The following IKZF4 variants were observed in gnomAD, a reference collection of about 807,000 sequenced individuals.
IKZF4 encodes IKAROS family zinc finger 4, also known as zinc finger protein Eos.
Under a neutral mutation model 47.7 loss-of-function variants are expected in IKZF4, and 11 were observed. That is an observed-to-expected ratio of 0.23 (90% confidence interval 0.15 to 0.38). The LOEUF is 0.38. Ranked by LOEUF, IKZF4 falls within the 10% of genes least tolerant of loss-of-function variation. The probability of loss-of-function intolerance (pLI) is 1.00; values close to 1 mark genes in which losing one functional copy is unlikely to be tolerated. For synonymous variants in IKZF4, 298 were observed against 299.4 expected, an observed-to-expected ratio of 1.00 and a Z score of 0.05; for missense variants, 557 against 784.9, an observed-to-expected ratio of 0.71 and a Z score of 3.47.
At chr12:56,033,765 G>C (rs1565833973) in intron 7 of IKZF4, among the ~76,000 whole-genome samples, 2 of 152,118 alleles carry the variant, frequency 1.3e-5, no homozygotes, top group Non-Finnish European at 2.9e-5. Context: ...CTCTGATACT[G>C]AAAATCTATC....
In IKZF4 at chr12:56,021,279, C is replaced by G; in HGVS notation, c.-215C>G. The G allele has an allele frequency of 1.5e-6, 2 of 1,327,964 alleles. No individual in the cohort carries two copies. The highest frequency in any genetic ancestry group is 1.9e-6 in the Non-Finnish European group (2 of 1,027,190). The allele number at this position is 1,327,964 out of a possible 1,614,324, so 82.3% of individuals were successfully genotyped here. On this transcript the variant is annotated 5_prime_UTR_variant, in exon 1 of 8. Coordinates refer to ENST00000547167, the MANE Select transcript of IKZF4 (RefSeq NM_022465.4). ...CTCTCCCCTCTCCTTCTCTCCCTCT[C>G]TCTCTCTCTCTCTCTCACACACACA...
intron 2 of IKZF4, among the ~76,000 whole-genome samples, chr12:56,015,266 G>A (rs1007878561): frequency 6.6e-6 from 1 of 151,718 alleles, no homozygotes; most frequent in Admixed American, 6.6e-5. Context: ...TAGTAGAGAT[G>A]GGGTTTTGCC....
At chr12:56,015,588 G>T (rs1475906603) in intron 2 of IKZF4, among the ~76,000 whole-genome samples, 1 of 151,954 alleles carries the variant, frequency 6.6e-6, no homozygotes, top group Admixed American at 6.6e-5. Context: ...TAGAGATGGG[G>T]TTTCACCACG....
chr12:56,034,778 T>C lies in IKZF4; in HGVS notation c.1205T>C (p.Val402Ala), dbSNP rs1895464683. ...GAACTCACGCCTGTCATCAGCTCTG[T>C]CTACACCCAGATGCAGCCCCTCCCT... ...ISELTPVISS[V>A]YTQMQPLPGR... The change falls in exon 8 of 8, where the codon GTC becomes GCC. Residue 402 changes from valine (V) to alanine (A), a missense_variant. Around this residue, in one of 6 missense-constraint regions of IKZF4, gnomAD observed 280 missense variants for 314.0 expected, o/e 0.89. Transcript: ENST00000547167. The C allele has an allele frequency of 1.2e-6, 2 of 1,613,876 alleles. No homozygotes were observed. Among genetic ancestry groups the C allele is most frequent in the South Asian group, 2.2e-5 (2 of 91,094 alleles).
chr12:56,023,914 G>A, intron 2 of IKZF4, 150 bp downstream of exon 2: 3 of 1,470,800 alleles, frequency 2.0e-6, no homozygotes, highest in Non-Finnish European at 2.7e-6. Flanking sequence ...ATCCATGCAT[G>A]TTCATGTTAG....
chr12:56,024,714 C>A, intron 2 of IKZF4: 3 of 1,179,546 alleles, frequency 2.5e-6, no homozygotes, highest in Non-Finnish European at 3.2e-6. Context: ...GAATGTCTGT[C>A]CTGAACATCT....
chr12:56,031,274 A>C (rs1894873884), intron 5 of IKZF4, among the ~76,000 whole-genome samples: 1 of 152,204 alleles, frequency 6.6e-6, no homozygotes, highest in African/African-American at 2.4e-5. Context: ...AAAAAAAGAT[A>C]AATGTTTGAG....
At chr12:56,015,161 CT>C (rs1891860553) in intron 2 of IKZF4, among the ~76,000 whole-genome samples, 1 of 152,090 alleles carries the variant, frequency 6.6e-6, no homozygotes, top group Admixed American at 6.6e-5. Context: ...ACTGCAACCT[CT>C]GTCTCCCGGG....
At chr12:56,033,783 C>T (rs1895268117) in intron 7 of IKZF4, among the ~76,000 whole-genome samples, 1 of 152,056 alleles carries the variant, frequency 6.6e-6, no homozygotes, top group Non-Finnish European at 1.5e-5. Flanking sequence ...ATCCTCAGGA[C>T]AGGAGGAAAG....
Position 56,025,161 on chromosome 12 carries a change from A to G in IKZF4, c.286+3A>G. 4.4e-6 allele frequency: 7 copies of G among 1,577,394 alleles called. No individual in the cohort carries two copies. The highest frequency in any genetic ancestry group is 2.3e-5 in the East Asian group (1 of 43,610). On this transcript the variant is annotated splice_donor_region_variant and intron_variant, in intron 3 of 7. Coordinates refer to ENST00000547167, the MANE Select transcript of IKZF4 (RefSeq NM_022465.4). ...TTCTCCTAGCCGCTCACTCAGTGGT[A>G]AGTGTAACCTCCTACCACCTCCTGG...
Position 56,026,881 on chromosome 12 carries a change from A to C in IKZF4, c.387A>C (p.Glu129Asp). Reference sequence around the variant, plus strand: ...AAAAGGACGACAGCGTGATTGTGGAAGATTCATTGTCTGAGCCCCTGGGCT... The same window carrying C: ...AAAAGGACGACAGCGTGATTGTGGACGATTCATTGTCTGAGCCCCTGGGCT... Reference protein sequence around the residue: ...LLEKDDSVIVEDSLSEPLGYC... With the variant: ...LLEKDDSVIVDDSLSEPLGYC... The change falls in exon 4 of 8, where the codon GAA becomes GAC. Residue 129 changes from glutamate to aspartate, a missense_variant. Coordinates refer to ENST00000547167, the MANE Select transcript of IKZF4 (RefSeq NM_022465.4). 6.2e-7 allele frequency: 1 copy of C among 1,613,476 alleles called. No individual in the cohort carries two copies. Among genetic ancestry groups the C allele is most frequent in the Non-Finnish European group, 8.5e-7 (1 of 1,179,692 alleles).
At chr12:56,033,465 T>G (rs2136711774) in intron 7 of IKZF4, 144 bp downstream of exon 7, 2 of 1,013,046 alleles carry the variant, frequency 2.0e-6, no homozygotes, top group East Asian at 5.0e-5. Context: ...CCCAGCACTT[T>G]GGGAGGCCAA....
rs541943999 is a variant in IKZF4, at chr12:56,021,600, G to C, written c.87+20G>C. 3.8e-6 allele frequency: 6 copies of C among 1,582,670 alleles called. No homozygotes were observed. Among genetic ancestry groups the C allele is most frequent in the Admixed American group, 1.8e-5 (1 of 54,274 alleles). On this transcript the variant is annotated intron_variant, in intron 1 of 7. Coordinates refer to ENST00000547167, the MANE Select transcript of IKZF4 (RefSeq NM_022465.4). ...GATAATGTAAGTTCAGGCAGAAGGCGGCTAGTGGAGGGAGGAAGGGGGGTG... is the reference window on the plus strand; with the variant it reads ...GATAATGTAAGTTCAGGCAGAAGGCCGCTAGTGGAGGGAGGAAGGGGGGTG...
intron 1 of IKZF4, among the ~76,000 whole-genome samples, chr12:56,023,054 C>T (rs993963610): frequency 6.6e-6 from 1 of 152,178 alleles, no homozygotes; most frequent in African/African-American, 2.4e-5. Flanking sequence ...CCGCCTCGGC[C>T]TCCCAAAGTG....
intron 2 of IKZF4, among the ~76,000 whole-genome samples, chr12:56,014,988 T>G (rs557234827): frequency 6.6e-6 from 1 of 152,206 alleles, no homozygotes; most frequent in South Asian, 2.1e-4. Context: ...TCTCAGTTTC[T>G]CCAAGCAGAA....
rs765433673 is a variant in IKZF4 at position 56,026,847 on chromosome 12, GGC to G, written c.354_355del (p.Leu119ProfsTer15). The stretch of plus-strand genomic sequence containing the variant: ...AGCAGACTGCTGGGGCCAGATGAGC[GGC>G]TCCTGGAAAAGGACGACAGCGTGAT... On this transcript the variant is annotated frameshift_variant, in exon 4 of 8. Coordinates refer to ENST00000547167, the MANE Select transcript of IKZF4 (RefSeq NM_022465.4). LOFTEE classifies it high-confidence loss of function. The G allele has an allele frequency of 9.3e-6, 15 of 1,612,092 alleles. No individual in the cohort carries two copies. The highest frequency in any genetic ancestry group is 1.2e-5 in the Non-Finnish European group (14 of 1,179,248).
At chr12:56,024,537 T>C (rs1893627226) in intron 2 of IKZF4, 2 of 652,868 alleles carry the variant, frequency 3.1e-6, no homozygotes, top group African/African-American at 2.0e-5. Flanking sequence ...AATGAAATTA[T>C]TCATTTCAAG....
intron 5 of IKZF4, 136 bp from the exon 6 acceptor site, chr12:56,032,425 A>T: frequency 1.2e-6 from 1 of 857,400 alleles, no homozygotes; most frequent in Non-Finnish European, 1.7e-6. Flanking sequence ...TTGGGAAATG[A>T]AAGACAAGTA....
At chr12:56,023,622 G>C (rs1262440555) in intron 1 of IKZF4, 49 bp from the exon 2 acceptor site, 2 of 1,601,792 alleles carry the variant, frequency 1.2e-6, no homozygotes, top group Non-Finnish European at 1.7e-6. Context: ...ATATGAATGG[G>C]AAATGGTCCC....
Sources: gnomAD v4.1 joint callset for allele counts (sites outside exome capture counted in the v4.1 genomes callset) on GRCh38, gnomAD v4.1.1 for gene constraint, gnomAD v4.1.1 regional missense constraint, MANE v1.5 for transcripts, NCBI Gene and HGNC (gene_info 2026-07-23, HGNC 2026-07-21) for gene names.